The following PCDHA6 variants were observed in gnomAD, a reference collection of about 807,000 sequenced individuals.
PCDHA6 encodes protocadherin alpha-6.
PCDHA6 carries 55 observed loss-of-function variants against 60.3 expected under a neutral mutation model. The ratio of observed to expected loss-of-function variants is 0.91; its 90% CI spans 0.73 to 1.14. PCDHA6 has a LOEUF of 1.14. Ranked by LOEUF, PCDHA6 falls within the 50% of genes most tolerant of loss-of-function variation. The pLI is 0.00. For missense variants in PCDHA6, 1,327 were observed against 1,256.5 expected (o/e 1.06, Z -0.85); for synonymous variants, 652 against 557.9 (o/e 1.17, Z -2.38).
intron 1 of PCDHA6, 42 bp downstream of exon 1, chr5:140,830,527 A>G (rs2150187420): frequency 7.6e-7 from 1 of 1,307,954 alleles, no homozygotes; most frequent in Non-Finnish European, 1.0e-6. Context: ...TTTATTTTAA[A>G]TTTATAATTG....
intron 3 of PCDHA6, among the ~76,000 whole-genome samples, chr5:140,998,290 C>T (rs782194130): frequency 3.9e-5 from 6 of 152,180 alleles, no homozygotes; most frequent in Admixed American, 2.6e-4. Context: ...TAAATCAGAT[C>T]ACACATTTAG....
chr5:140,966,862 G>C lies in PCDHA6; in HGVS notation c.2395-12087G>C, dbSNP rs782810195. On this transcript the variant is annotated intron_variant, in intron 1 of 3. Transcript: ENST00000529310. ...TGCTACTGCCTCTCCTGCTGCTGTTGCTGCTGCTGCTACCTGGCCCTGCGG... is the reference window on the plus strand; with the variant it reads ...TGCTACTGCCTCTCCTGCTGCTGTTCCTGCTGCTGCTACCTGGCCCTGCGG... The C allele has an allele frequency of 1.2e-5, 18 of 1,562,198 alleles. No individual in the cohort carries two copies. Among genetic ancestry groups the C allele is most frequent in the Non-Finnish European group, 1.5e-5 (18 of 1,164,444 alleles).
At chr5:140,978,572 A>T (rs1322135580) in intron 1 of PCDHA6, among the ~76,000 whole-genome samples, 2 of 152,234 alleles carry the variant, frequency 1.3e-5, no homozygotes, top group Non-Finnish European at 2.9e-5. Flanking sequence ...GTAATACTGA[A>T]TTGGGAATGT....
At chr5:140,861,474 G>A in intron 1 of PCDHA6, 1 of 493,958 alleles carries the variant, frequency 2.0e-6, no homozygotes, top group East Asian at 5.8e-5. Context: ...TCTGCAGAAT[G>A]GCATTTTTGT....
intron 1 of PCDHA6, among the ~76,000 whole-genome samples, chr5:140,893,642 T>C (rs1479834135): frequency 1.3e-5 from 2 of 152,230 alleles, no homozygotes; most frequent in African/African-American, 2.4e-5. Context: ...TATAGTATTT[T>C]TGGCTGATAG....
At chr5:140,836,244 C>T (rs2150256239) in intron 1 of PCDHA6, 3 of 1,613,684 alleles carry the variant, frequency 1.9e-6, no homozygotes, top group South Asian at 2.2e-5. Flanking sequence ...TGCGAGCATC[C>T]CGTTCCGCGT....
In PCDHA6 at chr5:140,993,462, T is replaced by C. The variant is rs540334246; in HGVS notation, c.2542+10899T>C. ...CATTCCTGTTCTCCTTCTTTCTTTCTCACACACACACACACACACACACAC... is the reference window on the plus strand; with the variant it reads ...CATTCCTGTTCTCCTTCTTTCTTTCCCACACACACACACACACACACACAC... On this transcript the variant is annotated intron_variant, in intron 3 of 3. Transcript: ENST00000529310. Among the ~76,000 whole-genome samples the C allele has an allele frequency of 4.2e-3, 597 of 141,044 alleles. 4 individuals are homozygous for C. Among genetic ancestry groups the C allele is most frequent in the African/African-American group, 0.015 (577 of 37,966 alleles). 92.5% of individuals were successfully genotyped at this position (141,044 alleles called of 152,430 possible).
In PCDHA6 at chr5:140,842,325, C is replaced by G. The variant is rs2150334161; in HGVS notation, c.2394+11840C>G. On this transcript the variant is annotated intron_variant, in intron 1 of 3. Coordinates refer to ENST00000529310, the MANE Select transcript of PCDHA6 (RefSeq NM_018909.4). ...CATCCTCCCATGGCGGGTCATTGCA[C>G]CGTTTTAGTGAGAATTTTGGATAAA... 1.9e-5 allele frequency: 31 copies of G among 1,606,978 alleles called. No individual in the cohort carries two copies. In the South Asian group the frequency reaches 3.1e-4, roughly 16 times the overall value.
chr5:140,870,962 C>G (rs1489353896), intron 1 of PCDHA6: 2 of 1,613,532 alleles, frequency 1.2e-6, no homozygotes, highest in African/African-American at 1.3e-5. Context: ...TCGCGCATCC[C>G]GTTCCGCGTG....
rs2150175965 is a variant in PCDHA6, at chr5:140,829,844, C to G, written c.1753C>G (p.Leu585Val). The change falls in exon 1 of 4, where the codon CTG becomes GTG. Residue 585 changes from leucine to valine, a missense_variant. Coordinates refer to ENST00000529310, the MANE Select transcript of PCDHA6 (RefSeq NM_018909.4). ...GAVSELVPRS[L>V]GAGQVVAKVR... ...AGTGAGCGAGCTGGTGCCGCGGTCACTGGGTGCAGGCCAAGTGGTGGCGAA... is the reference window on the plus strand; with the variant it reads ...AGTGAGCGAGCTGGTGCCGCGGTCAGTGGGTGCAGGCCAAGTGGTGGCGAA... 17,404 of 1,613,920 alleles carry G rather than the reference C, an allele frequency of 0.011. 1,610 individuals are homozygous for G. In the African/African-American group the frequency reaches 0.2, roughly 19 times the overall value.
chr5:140,868,942 C>T (rs1238492263), intron 1 of PCDHA6: 6 of 1,256,058 alleles, frequency 4.8e-6, no homozygotes, highest in African/African-American at 1.5e-5. Context: ...TTGGTCTGAA[C>T]AGTGAGGCAC....
chr5:140,861,559 A>G (rs2046978123), intron 1 of PCDHA6: 2 of 393,478 alleles, frequency 5.1e-6, no homozygotes, highest in Non-Finnish European at 5.3e-6. Context: ...GTGATCGTGG[A>G]CAAGCTGCTA....
chr5:140,929,511 G>T, intron 1 of PCDHA6: 1 of 781,088 alleles, frequency 1.3e-6, no homozygotes, highest in Non-Finnish European at 1.8e-6. Flanking sequence ...AGGCCTCAAG[G>T]GACTTATAGT....
chr5:140,863,237 C>A (rs782024401), intron 1 of PCDHA6: 6 of 1,306,974 alleles, frequency 4.6e-6, no homozygotes, highest in Non-Finnish European at 5.3e-6. Context: ...CCATCGCGGG[C>A]TTTGGCGGGC....
chr5:140,962,107 G>A (rs1010906038), intron 1 of PCDHA6, among the ~76,000 whole-genome samples: 20 of 151,860 alleles, frequency 1.3e-4, no homozygotes, highest in African/African-American at 4.4e-4. Flanking sequence ...GGATGGTCTC[G>A]ATCTCCTAAC....
At position 140,828,468 on chromosome 5, in the gene PCDHA6, T is replaced by C; in HGVS notation, c.377T>C (p.Ile126Thr). The C allele has an allele frequency of 6.2e-7, 1 of 1,614,148 alleles. No individual in the cohort carries two copies. Among genetic ancestry groups the C allele is most frequent in the Non-Finnish European group, 8.5e-7 (1 of 1,180,030 alleles). The change falls in exon 1 of 4, where the codon ATT becomes ACT. Residue 126 changes from isoleucine (I) to threonine (T), a missense_variant. Ile to Thr is a moderately conservative substitution (Grantham distance 89). Transcript: ENST00000529310. The part of the protein sequence containing the change: ...VFHVDVEVRD[I>T]NDNPPLFPVE... ...CATGTGGACGTGGAGGTGAGGGACA[T>C]TAACGACAACCCGCCCTTGTTCCCG...
chr5:140,908,998 C>G (rs2074255436), intron 1 of PCDHA6, among the ~76,000 whole-genome samples: 1 of 152,156 alleles, frequency 6.6e-6, no homozygotes, highest in South Asian at 2.1e-4. Flanking sequence ...AGAAATTTTA[C>G]TGAGGTAGAA....
Position 141,010,344 on chromosome 5 carries a change from G to A in PCDHA6, c.*407G>A, listed in dbSNP as rs1011321402. On this transcript the variant is annotated 3_prime_UTR_variant, in exon 4 of 4. Coordinates refer to ENST00000529310, the MANE Select transcript of PCDHA6 (RefSeq NM_018909.4). Reference sequence around the variant, plus strand: ...CAGCTTGGGAGTTTGTGGCCACTGGGTATGTGTGGCTACCGCGGGTATGCG... The same window carrying A: ...CAGCTTGGGAGTTTGTGGCCACTGGATATGTGTGGCTACCGCGGGTATGCG... 3 of 1,518,888 alleles carry A rather than the reference G, an allele frequency of 2.0e-6. No homozygotes were observed. The Admixed American group carries it at 6.4e-5, about 33-fold the overall frequency. 94.1% of individuals were successfully genotyped at this position (1,518,888 alleles called of 1,614,324 possible).
Position 140,829,840 on chromosome 5 carries a change from G to T in PCDHA6, c.1749G>T (p.Arg583=). The T allele has an allele frequency of 6.2e-7, 1 of 1,613,938 alleles. No individual in the cohort carries two copies. The highest frequency in any genetic ancestry group is 1.7e-5 in the Admixed American group (1 of 60,006). ...GTGCAGTGAGCGAGCTGGTGCCGCG[G>T]TCACTGGGTGCAGGCCAAGTGGTGG... ...TGGAVSELVP[R]SLGAGQVVAK... The change falls in exon 1 of 4, where the codon CGG becomes CGT. Residue 583 remains arginine, a synonymous_variant. Transcript: ENST00000529310.
Sources: allele counts gnomAD v4.1 joint callset (sites outside exome capture counted in the v4.1 genomes callset), GRCh38; gene constraint gnomAD v4.1.1; transcripts MANE v1.5; gene names NCBI Gene and HGNC (gene_info 2026-07-23, HGNC 2026-07-21).